Variants in DLEC1 observed in about 807,000 individuals in gnomAD.
The protein encoded by DLEC1 is deleted in lung and esophageal cancer protein 1.
Under a neutral mutation model 198.1 loss-of-function variants are expected in DLEC1, and 146 were observed. The observed-to-expected ratio is 0.74, with a 90% CI of 0.64 to 0.85. DLEC1 has a LOEUF of 0.85. Among genes scored for constraint, DLEC1 ranks in the 40% least tolerant of loss-of-function variants. The pLI is 0.00. For synonymous variants in DLEC1, 897 were observed against 866.8 expected, an observed-to-expected ratio of 1.03 and a Z score of -0.61; for missense variants, 2,233 against 2,220.0, an observed-to-expected ratio of 1.01 and a Z score of -0.12.
intron 33 of DLEC1, 152 bp from the exon 34 acceptor site, chr3:38,120,296 C>G (rs761649610): frequency 3.7e-6 from 3 of 814,378 alleles, no homozygotes; most frequent in Non-Finnish European, 6.1e-6. Flanking sequence ...TGCTGGGCAG[C>G]GCTTGTGGAA....
chr3:38,056,065 ACAC>A (rs1696348780), intron 2 of DLEC1, among the ~76,000 whole-genome samples: 2 of 4,748 alleles, frequency 4.2e-4, no homozygotes, highest in Non-Finnish European at 7.7e-4. Flanking sequence ...CAAAAAATAC[ACAC>A]ACACACACAC....
chr3:38,062,737 CTT>C lies in DLEC1; in HGVS notation c.1031_1032del (p.Leu344ArgfsTer24). 1 of 1,614,112 alleles carries C rather than the reference CTT, an allele frequency of 6.2e-7. No individual in the cohort carries two copies. Among genetic ancestry groups the C allele is most frequent in the Non-Finnish European group, 8.5e-7 (1 of 1,180,008 alleles). The part of the protein sequence containing the change: ...PPNTRYGGKS[L>X]VFPPKKPAPI... ...TAACACTCGATATGGAGGCAAGTCT[CTT>C]GTTTTTCCTCCAAAGAAGCCAGCAC... On this transcript the variant is annotated frameshift_variant, in exon 5 of 37. Coordinates refer to ENST00000308059, the MANE Select transcript of DLEC1 (RefSeq NM_007335.4). LOFTEE classifies it high-confidence loss of function.
At position 38,108,443 on chromosome 3, in the gene DLEC1, C is replaced by T. The variant is rs1699683658; in HGVS notation, c.3057C>T (p.Val1019=). 4 of 1,614,084 alleles carry T rather than the reference C, an allele frequency of 2.5e-6. No homozygotes were observed. The highest frequency in any genetic ancestry group is 3.4e-6 in the Non-Finnish European group (4 of 1,180,036). Residue 1019 remains valine (V), a synonymous_variant, in exon 21 of 37, where the codon GTC becomes GTT. Coordinates refer to ENST00000308059, the MANE Select transcript of DLEC1 (RefSeq NM_007335.4). The part of the protein sequence containing the change: ...GHQAEFCMVT[V]SPKHGLLGPS... ...AAGCAGAATTCTGCATGGTGACAGT[C>T]TCCCCCAAACATGGCCTGCTGGGCC...
chr3:38,092,523 G>T (rs1698794497), intron 10 of DLEC1, among the ~76,000 whole-genome samples: 1 of 152,118 alleles, frequency 6.6e-6, no homozygotes, highest in South Asian at 2.1e-4. Flanking sequence ...ATGAATGAGG[G>T]TATGTGTTGT....
rs1301225138 is a variant in DLEC1 at position 38,112,534 on chromosome 3, T to C, written c.3666+173T>C. On this transcript the variant is annotated intron_variant, in intron 25 of 36. Coordinates refer to ENST00000308059, the MANE Select transcript of DLEC1 (RefSeq NM_007335.4). The surrounding 1 kb of genome is among the most constrained non-coding windows in gnomAD (Gnocchi z 4.8). ...TTCGTGTCTGAGGCAGCCTCTGGGG[T>C]TCTGGCTGAGGCATTTCAGGCAGGA... Among the ~76,000 whole-genome samples the C allele has an allele frequency of 1.3e-5, 2 of 152,158 alleles. No homozygotes were observed. The highest frequency in any genetic ancestry group is 2.9e-5 in the Non-Finnish European group (2 of 68,046).
In DLEC1 at chr3:38,059,883, T is replaced by C. The variant is rs763743229; in HGVS notation, c.673+31T>C. On this transcript the variant is annotated intron_variant, in intron 3 of 36. Coordinates refer to ENST00000308059, the MANE Select transcript of DLEC1 (RefSeq NM_007335.4). ...GCTTCTGTGCTCTCAAGGCCTCTGA[T>C]ACCATTTGGGGGAAGTTCAGTAGGG... 12 of 1,595,870 alleles carry C rather than the reference T, an allele frequency of 7.5e-6. No individual in the cohort carries two copies. In the East Asian group the frequency reaches 1.6e-4, roughly 21 times the overall value.
chr3:38,082,214 C>T (rs377033525), intron 6 of DLEC1, among the ~76,000 whole-genome samples: 13 of 140,698 alleles, frequency 9.2e-5, no homozygotes, highest in South Asian at 2.4e-4. Flanking sequence ...CGGGCAGAGA[C>T]GCTCCTCACT....
At chr3:38,055,646 G>A (rs1421373596) in intron 2 of DLEC1, among the ~76,000 whole-genome samples, 2 of 152,084 alleles carry the variant, frequency 1.3e-5, no homozygotes, top group African/African-American at 4.8e-5. Context: ...AAGGAGAGTG[G>A]TCCTGGAGAA....
chr3:38,121,864 G>A lies in DLEC1; in HGVS notation c.5020+83G>A, dbSNP rs560784533. 2.8e-4 allele frequency: 439 copies of A among 1,549,182 alleles called. 2 individuals carry two copies. The African/African-American group carries it at 5.2e-3, about 18-fold the overall frequency. ...ACCCCCCAGGAAGGGGCCCCTGTGC[G>A]CCGTCCCTGCATGCTGGCTCCCAGG... On this transcript the variant is annotated intron_variant, in intron 35 of 36. Coordinates refer to ENST00000308059, the MANE Select transcript of DLEC1 (RefSeq NM_007335.4).
In DLEC1 at chr3:38,097,776, TCAGTTTGGTCTGCTCCGCCTGGGG is replaced by T; in HGVS notation, c.2602_2625del (p.Phe868_Gln875del). 6.2e-7 allele frequency: 1 copy of T among 1,614,098 alleles called. No homozygotes were observed. The highest frequency in any genetic ancestry group is 8.5e-7 in the Non-Finnish European group (1 of 1,180,010). Reference sequence around the variant, plus strand: ...CCCTCATCATCAACGTCTCAGCCCTTCAGTTTGGTCTGCTCCGCCTGGGGCAGAAAGCCACAAACTCCATCCAGA... The same window carrying T: ...CCCTCATCATCAACGTCTCAGCCCTTCAGAAAGCCACAAACTCCATCCAGA... On this transcript the variant is annotated inframe_deletion, in exon 18 of 37. Coordinates refer to ENST00000308059, the MANE Select transcript of DLEC1 (RefSeq NM_007335.4).
chr3:38,074,996 C>T (rs1260084683), intron 6 of DLEC1, among the ~76,000 whole-genome samples: 4 of 151,968 alleles, frequency 2.6e-5, no homozygotes, highest in Non-Finnish European at 5.9e-5. Context: ...AAACTGTAAG[C>T]CGGACCGGGT....
chr3:38,102,253 A>T (rs1699344157), intron 19 of DLEC1, among the ~76,000 whole-genome samples: 1 of 151,816 alleles, frequency 6.6e-6, no homozygotes, highest in Non-Finnish European at 1.5e-5. Context: ...CACCTTAACA[A>T]TCTCTGAGAG....
chr3:38,117,991 G>A lies in DLEC1; in HGVS notation c.4671G>A (p.Lys1557=), dbSNP rs1428313383. The change falls in exon 33 of 37, where the codon AAG becomes AAA. Residue 1557 remains lysine, a synonymous_variant. Transcript: ENST00000308059. The part of the protein sequence containing the change: ...ECEEETASAD[K]QLVLQAQENM... ...AGGAGGAGACAGCCTCAGCGGACAA[G>A]CAGCTGGTGCTCCAAGCACAGGAGA... 6.2e-7 allele frequency: 1 copy of A among 1,611,492 alleles called. No individual in the cohort carries two copies. The highest frequency in any genetic ancestry group is 1.7e-5 in the Admixed American group (1 of 59,492).
intron 6 of DLEC1, among the ~76,000 whole-genome samples, chr3:38,066,781 G>A (rs1454335402): frequency 6.6e-6 from 1 of 152,022 alleles, no homozygotes; most frequent in Non-Finnish European, 1.5e-5. Context: ...ACCACTCATG[G>A]CAAAAAGCAG....
rs1341793303 is a variant in DLEC1 at position 38,120,536 on chromosome 3, A to T, written c.4793A>T (p.Gln1598Leu). ...ACACTGCCTGGGGTGGACATTCAGCAGAGTGCGAGTGGAGAGAGAGAGATG... is the reference window on the plus strand; with the variant it reads ...ACACTGCCTGGGGTGGACATTCAGCTGAGTGCGAGTGGAGAGAGAGAGATG... ...DQTLPGVDIQ[Q>L]SASGEREMVF... Residue 1598 changes from glutamine (Q) to leucine (L), a missense_variant, in exon 34 of 37, where the codon CAG (glutamine) becomes CTG (leucine). Coordinates refer to ENST00000308059, the MANE Select transcript of DLEC1 (RefSeq NM_007335.4). The T allele has an allele frequency of 1.2e-6, 2 of 1,614,130 alleles. No homozygotes were observed. The highest frequency in any genetic ancestry group is 4.5e-5 in the East Asian group (2 of 44,902).
intron 15 of DLEC1, 141 bp downstream of exon 15, chr3:38,096,878 A>G (rs1699050244): frequency 9.6e-7 from 1 of 1,042,544 alleles, no homozygotes; most frequent in Non-Finnish European, 1.4e-6. Flanking sequence ...TTTGAACCCA[A>G]CTTGACTTGC....
At chr3:38,080,326 A>AG (rs769484090) in intron 6 of DLEC1, among the ~76,000 whole-genome samples, 1 of 152,006 alleles carries the variant, frequency 6.6e-6, no homozygotes, top group Non-Finnish European at 1.5e-5. Context: ...CCTGGTGAGG[A>AG]GGGGAGAGGT....
Position 38,039,254 on chromosome 3 carries a change from G to A in DLEC1, c.29G>A (p.Arg10Lys), listed in dbSNP as rs750066346. 4 of 1,611,798 alleles carry A rather than the reference G, an allele frequency of 2.5e-6. No individual in the cohort carries two copies. The highest frequency in any genetic ancestry group is 1.7e-5 in the Admixed American group (1 of 59,724). The change falls in exon 1 of 37, where the codon AGG becomes AAG. Residue 10 changes from arginine to lysine, a missense_variant. By Grantham distance (26) the Arg-to-Lys change is conservative. Coordinates refer to ENST00000308059, the MANE Select transcript of DLEC1 (RefSeq NM_007335.4). METRSSKTR[R>K]SLASRTNECQ... ...GAGACCAGGAGCTCCAAAACGCGGA[G>A]GTCTTTAGCGTCCCGGACCAACGAG...
In DLEC1 at chr3:38,122,366, G is replaced by A. The variant is rs532236990; in HGVS notation, c.5222G>A (p.Gly1741Asp). ...GEKSCTLRLRGQGSYDERYML... is the reference protein window; with the variant it reads ...GEKSCTLRLRDQGSYDERYML... ...AAGTCCTGCACCCTGCGGCTCCGGG[G>A]CCAAGGCTCCTATGATGAGAGATAC... The change falls in exon 37 of 37, where the codon GGC becomes GAC. Residue 1741 changes from glycine to aspartate, a missense_variant. Transcript: ENST00000308059. 6.2e-6 allele frequency: 10 copies of A among 1,614,168 alleles called. No homozygotes were observed. The African/African-American group carries it at 1.1e-4, about 17-fold the overall frequency.
Sources: gnomAD v4.1 joint callset for allele counts (sites outside exome capture counted in the v4.1 genomes callset) on GRCh38, gnomAD v4.1.1 for gene constraint, Gnocchi (gnomAD v3.1) non-coding constraint, MANE v1.5 for transcripts, NCBI Gene and HGNC (gene_info 2026-07-23, HGNC 2026-07-21) for gene names.